Variants in BNC2 observed in about 807,000 individuals in gnomAD.
The protein encoded by BNC2 is zinc finger protein basonuclin-2.
A neutral mutation model predicts 76.3 loss-of-function variants in BNC2; 20 were observed. The ratio of observed to expected loss-of-function variants is 0.26; its 90% confidence interval spans 0.18 to 0.38. The LOEUF (loss-of-function observed/expected upper bound fraction) is 0.38, where lower values mean the gene tolerates loss of function less well. Among genes scored for constraint, BNC2 ranks in the 10% least tolerant of loss-of-function variants. The probability of loss-of-function intolerance (pLI) is 1.00; values close to 1 mark genes in which losing one functional copy is unlikely to be tolerated. For synonymous variants in BNC2, 582 were observed against 514.8 expected (o/e 1.13, Z -1.77); for missense variants, 1,382 against 1,399.8 (o/e 0.99, Z 0.20).
At chr9:16,653,617 C>T (rs1821850471) in intron 3 of BNC2, among the ~76,000 whole-genome samples, 5 of 152,170 alleles carry the variant, frequency 3.3e-5, no homozygotes, top group Middle Eastern at 6.8e-3. Context: ...CAGCAGGCAT[C>T]GGTTTCTCTC....
chr9:16,506,193 G>A (rs1451273228), intron 5 of BNC2, among the ~76,000 whole-genome samples: 1 of 152,114 alleles, frequency 6.6e-6, no homozygotes, highest in East Asian at 1.9e-4. Flanking sequence ...AAAATACTGA[G>A]TTCCACAAAC....
intron 3 of BNC2, 47 bp from the exon 4 acceptor site, chr9:16,583,132 C>T (rs1003327270): frequency 2.0e-5 from 29 of 1,447,832 alleles, no homozygotes; most frequent in Non-Finnish European, 2.8e-5. Context: ...TTCAAAGATA[C>T]TATACTCTTT....
At chr9:16,608,604 C>G (rs1350204330) in intron 3 of BNC2, among the ~76,000 whole-genome samples, 2 of 152,132 alleles carry the variant, frequency 1.3e-5, no homozygotes, top group Non-Finnish European at 1.5e-5. Flanking sequence ...CTCCTGGGCT[C>G]AAGGGATCTT....
intron 6 of BNC2, among the ~76,000 whole-genome samples, chr9:16,427,802 C>T (rs1159843876): frequency 6.6e-6 from 1 of 152,178 alleles, no homozygotes; most frequent in Non-Finnish European, 1.5e-5. Context: ...TTTACCTACC[C>T]TCTCTTCACT....
chr9:16,433,118 C>T (rs1820938531), intron 6 of BNC2, among the ~76,000 whole-genome samples: 1 of 152,152 alleles, frequency 6.6e-6, no homozygotes, highest in South Asian at 2.1e-4. Context: ...TGTAGCTAAA[C>T]TCATAACATT....
chr9:16,857,525 T>C (rs1021148021), intron 1 of BNC2, among the ~76,000 whole-genome samples: 1 of 143,728 alleles, frequency 7.0e-6, no homozygotes, highest in Non-Finnish European at 1.5e-5. Context: ...TTAAATCCTC[T>C]ACAGAATTTT....
At chr9:16,812,934 C>T (rs1401415125) in intron 1 of BNC2, among the ~76,000 whole-genome samples, 1 of 152,080 alleles carries the variant, frequency 6.6e-6, no homozygotes, top group African/African-American at 2.4e-5. Flanking sequence ...CCTGGCCGGG[C>T]GCGGTGGCTC....
At chr9:16,706,464 T>C (rs1456785771) in intron 3 of BNC2, among the ~76,000 whole-genome samples, 1 of 152,214 alleles carries the variant, frequency 6.6e-6, no homozygotes, top group Non-Finnish European at 1.5e-5. Context: ...TTTAATCTCC[T>C]GGAGTGAGGC....
intron 1 of BNC2, among the ~76,000 whole-genome samples, chr9:16,859,620 T>C (rs542608391): frequency 9.8e-5 from 15 of 152,336 alleles, no homozygotes; most frequent in African/African-American, 3.6e-4. Context: ...AAATATGTAC[T>C]GCATGATTCC....
At chr9:16,611,678 T>A (rs1820549520) in intron 3 of BNC2, among the ~76,000 whole-genome samples, 1 of 152,168 alleles carries the variant, frequency 6.6e-6, no homozygotes, top group Non-Finnish European at 1.5e-5. Flanking sequence ...TCTGTTAGCA[T>A]TCAGCCATGA....
At chr9:16,814,545 C>A (rs1818135472) in intron 1 of BNC2, among the ~76,000 whole-genome samples, 1 of 152,172 alleles carries the variant, frequency 6.6e-6, no homozygotes. Context: ...TTCAGAAATG[C>A]ATGCAAACCC....
At chr9:16,432,097 C>T (rs761344793) in intron 6 of BNC2, among the ~76,000 whole-genome samples, 2 of 152,202 alleles carry the variant, frequency 1.3e-5, no homozygotes, top group Non-Finnish European at 2.9e-5. Context: ...CTAACAGCTA[C>T]CTAGTAACAA....
intron 4 of BNC2, among the ~76,000 whole-genome samples, chr9:16,582,541 A>T (rs1490012021): frequency 1.3e-5 from 2 of 152,180 alleles, no homozygotes; most frequent in African/African-American, 4.8e-5. Context: ...ACAACATTTA[A>T]CATCTAGAAG....
At chr9:16,711,756 A>C (rs918961488) in intron 3 of BNC2, among the ~76,000 whole-genome samples, 1 of 150,996 alleles carries the variant, frequency 6.6e-6, no homozygotes, top group Non-Finnish European at 1.5e-5. Context: ...TGCTTGTCTC[A>C]CTCAGTAAGA....
chr9:16,665,437 A>G (rs752209176), intron 3 of BNC2, among the ~76,000 whole-genome samples: 7,131 of 66,954 alleles, frequency 0.11, 467 homozygotes, highest in East Asian at 0.49. Flanking sequence ...AGGAAAGAAA[A>G]GAAAGAAAGA....
At chr9:16,425,760 G>A (rs965219236) in intron 6 of BNC2, among the ~76,000 whole-genome samples, 2 of 152,156 alleles carry the variant, frequency 1.3e-5, no homozygotes, top group Non-Finnish European at 2.9e-5. Context: ...CATGTCTTTC[G>A]CATACTAAAT....
intron 3 of BNC2, among the ~76,000 whole-genome samples, chr9:16,634,595 G>A (rs181039340): frequency 9.4e-5 from 14 of 149,050 alleles, no homozygotes; most frequent in Admixed American, 2.0e-4. Flanking sequence ...TCTGCCTCCC[G>A]GATTCACACC....
At chr9:16,799,651 G>T (rs1397263595) in intron 1 of BNC2, among the ~76,000 whole-genome samples, 1 of 152,174 alleles carries the variant, frequency 6.6e-6, no homozygotes, top group Admixed American at 6.5e-5. Context: ...TGTATTTACA[G>T]AACTAACTCA....
intron 3 of BNC2, among the ~76,000 whole-genome samples, chr9:16,665,418 AGG>A (rs1337988311): frequency 1.5e-5 from 2 of 135,770 alleles, no homozygotes; most frequent in East Asian, 4.1e-4. Flanking sequence ...GAGAAAAGAA[AGG>A]AAAGAAAGGA....
Sources: allele counts gnomAD v4.1 joint callset (sites outside exome capture counted in the v4.1 genomes callset), GRCh38; gene constraint gnomAD v4.1.1; transcripts MANE v1.5; gene names NCBI Gene and HGNC (gene_info 2026-07-23, HGNC 2026-07-21).